The following PCDH11X variants were observed in gnomAD, a reference collection of about 807,000 sequenced individuals.
The protein encoded by PCDH11X is protocadherin 11 X-linked, also known as protocadherin-11 X-linked.
A neutral mutation model predicts 53.3 loss-of-function variants in PCDH11X; 18 were observed. That is an observed-to-expected ratio of 0.34 (90% CI 0.23 to 0.50). PCDH11X has a LOEUF of 0.50. PCDH11X is among the 20% of genes least tolerant of loss of function. PCDH11X has a pLI of 0.98. For synonymous variants in PCDH11X, 279 were observed against 393.3 expected, an observed-to-expected ratio of 0.71 and a Z score of 3.44; for missense variants, 570 against 1,032.4, an observed-to-expected ratio of 0.55 and a Z score of 6.14.
intron 9 of PCDH11X, among the ~76,000 whole-genome samples, chrX:92,417,866 G>T (rs1284698711): frequency 1.4e-5 from 1 of 73,078 alleles, no homozygotes; most frequent in Admixed American, 2.0e-4. Flanking sequence ...GCAAAAGCCT[G>T]CTCTGATTTC....
At chrX:92,157,301 A>G (rs1312900689) in intron 6 of PCDH11X, among the ~76,000 whole-genome samples, 2 of 111,482 alleles carry the variant, frequency 1.8e-5, no homozygotes, top group Admixed American at 9.6e-5. Context: ...ATCTTCTACT[A>G]TTCCTCTGGT....
intron 1 of PCDH11X, among the ~76,000 whole-genome samples, chrX:91,790,994 A>G: frequency 1.9e-5 from 2 of 103,952 alleles, no homozygotes; most frequent in Middle Eastern, 9.5e-3. Flanking sequence ...ATGAAACTGT[A>G]CTAGTCTTTT....
Position 92,350,441 on chromosome X carries a change from C to T in PCDH11X, c.3145-37294C>T, listed in dbSNP as rs188871048. On this transcript the variant is annotated intron_variant, in intron 8 of 10. Transcript: ENST00000682573. ...GGTTTTCCCTTGATGTAGTAGTCTCCCCTTTTCCTAGGGATGTGGCTTCCT... is the reference window on the plus strand; with the variant it reads ...GGTTTTCCCTTGATGTAGTAGTCTCTCCTTTTCCTAGGGATGTGGCTTCCT... 1.6e-4 allele frequency among the ~76,000 whole-genome samples: 18 copies of T among 111,246 alleles called. No homozygotes were observed. In the East Asian group the frequency reaches 4.9e-3, roughly 30 times the overall value.
chrX:92,360,464 G>A (rs942164645), intron 8 of PCDH11X, among the ~76,000 whole-genome samples: 1 of 110,083 alleles, frequency 9.1e-6, no homozygotes, highest in South Asian at 3.8e-4. Flanking sequence ...CTCGAAATTG[G>A]TCCTATCTAA....
intron 10 of PCDH11X, among the ~76,000 whole-genome samples, chrX:92,614,325 A>G (rs1207601590): frequency 9.1e-6 from 1 of 110,476 alleles, no homozygotes; most frequent in Non-Finnish European, 1.9e-5. Flanking sequence ...TCAGTATAAC[A>G]TTATTATTTT....
intron 6 of PCDH11X, among the ~76,000 whole-genome samples, chrX:91,954,282 C>G (rs1310531557): frequency 1.8e-5 from 2 of 111,065 alleles, no homozygotes; most frequent in Admixed American, 9.6e-5. Context: ...CCATAAAAGA[C>G]AAGATCTCAT....
intron 9 of PCDH11X, among the ~76,000 whole-genome samples, chrX:92,411,459 A>G (rs1483969658): frequency 9.2e-6 from 1 of 108,251 alleles, no homozygotes; most frequent in Non-Finnish European, 1.9e-5. Flanking sequence ...CCCCTGTGTG[A>G]GATGTTCCCC....
At chrX:92,554,780 ATTC>A (rs1337621659) in intron 10 of PCDH11X, among the ~76,000 whole-genome samples, 1 of 109,883 alleles carries the variant, frequency 9.1e-6, no homozygotes, top group Admixed American at 9.8e-5. Flanking sequence ...TATATGGCAT[ATTC>A]TTCTCCTAAT....
At chrX:91,913,095 C>A (rs1000034583) in intron 6 of PCDH11X, among the ~76,000 whole-genome samples, 5 of 111,323 alleles carry the variant, frequency 4.5e-5, no homozygotes, top group Admixed American at 1.9e-4. Context: ...CTATATCTCA[C>A]AGGGGCCCTC....
intron 1 of PCDH11X, among the ~76,000 whole-genome samples, chrX:91,808,300 G>A (rs1221159519): frequency 2.8e-5 from 3 of 107,740 alleles, no homozygotes; most frequent in Admixed American, 1.0e-4. Context: ...TTCGAGACCA[G>A]CCTGGCCAAC....
intron 10 of PCDH11X, among the ~76,000 whole-genome samples, chrX:92,508,095 G>A (rs758250022): frequency 3.6e-5 from 4 of 111,499 alleles, no homozygotes; most frequent in African/African-American, 9.8e-5. Flanking sequence ...GATTACAGGC[G>A]TGAGCCACCG....
chrX:92,442,137 A>C (rs982546182), intron 9 of PCDH11X, among the ~76,000 whole-genome samples: 5 of 111,342 alleles, frequency 4.5e-5, no homozygotes, highest in Non-Finnish European at 9.4e-5. Context: ...CTGTTCCCCC[A>C]TTGTATCTAG....
chrX:92,070,789 G>A (rs1463845142), intron 6 of PCDH11X, among the ~76,000 whole-genome samples: 10 of 109,841 alleles, frequency 9.1e-5, no homozygotes, highest in Non-Finnish European at 1.9e-4. Context: ...CCTCTTTAAG[G>A]CCAGTAACTC....
chrX:92,039,765 G>A (rs1349338362), intron 6 of PCDH11X, among the ~76,000 whole-genome samples: 1 of 111,525 alleles, frequency 9.0e-6, no homozygotes, highest in Admixed American at 9.5e-5. Context: ...TTTTCCCTCT[G>A]CTTTTCTGAA....
At chrX:92,378,147 T>A (rs2522604) in intron 8 of PCDH11X, among the ~76,000 whole-genome samples, 31,745 of 90,267 alleles carry the variant, frequency 0.35, 6,493 homozygotes, top group Non-Finnish European at 0.42. Flanking sequence ...AGAATGATTA[T>A]TATTATAAAT....
chrX:92,280,756 T>C (rs1468927607), intron 8 of PCDH11X, among the ~76,000 whole-genome samples: 1 of 109,298 alleles, frequency 9.1e-6, no homozygotes, highest in Non-Finnish European at 1.9e-5. Flanking sequence ...ACAAATCCTT[T>C]GAAGCATAAT....
chrX:92,507,022 A>C (rs1456407817), intron 10 of PCDH11X, among the ~76,000 whole-genome samples: 4 of 110,283 alleles, frequency 3.6e-5, no homozygotes, highest in Non-Finnish European at 7.6e-5. Flanking sequence ...ATAGTCTCTG[A>C]GGGTTTGTAT....
intron 6 of PCDH11X, among the ~76,000 whole-genome samples, chrX:92,012,162 A>T (rs1433328705): frequency 9.1e-6 from 1 of 109,632 alleles, no homozygotes; most frequent in Admixed American, 9.9e-5. Flanking sequence ...GTGGTGGTGA[A>T]TACATAGAAC....
rs183864760 is a variant in PCDH11X, at chrX:92,622,898, G to A, written c.*3958G>A. The A allele has an allele frequency of 2.2e-3, 248 of 111,333 alleles. No homozygotes were observed. Among genetic ancestry groups the A allele is most frequent in the African/African-American group, 7.9e-3 (242 of 30,723 alleles). 9.2% of individuals were successfully genotyped at this position (111,333 alleles called of 1,213,427 possible). On this transcript the variant is annotated 3_prime_UTR_variant, in exon 11 of 11. Coordinates refer to ENST00000682573, the MANE Select transcript of PCDH11X (RefSeq NM_032968.5). ...TGTGCACAAATAAAAAAAATTAATG[G>A]CAATTGTTTAGTGATTGTAAGTGAT...
Sources: allele counts gnomAD v4.1 joint callset (sites outside exome capture counted in the v4.1 genomes callset), GRCh38; gene constraint gnomAD v4.1.1; transcripts MANE v1.5; gene names NCBI Gene and HGNC (gene_info 2026-07-23, HGNC 2026-07-21).